COX10: variants seen among roughly 807,000 people sequenced by gnomAD.
COX10 encodes the protein protoheme IX farnesyltransferase, mitochondrial.
A neutral mutation model predicts 37.3 loss-of-function variants in COX10; 27 were observed. The observed-to-expected ratio is 0.72, with a 90% CI of 0.53 to 1.00. COX10 has a LOEUF of 1.00. COX10 is among the 50% of genes least tolerant of loss of function. COX10 has a pLI of 0.00. For missense variants in COX10, 475 were observed against 563.2 expected, an observed-to-expected ratio of 0.84 and a Z score of 1.59; for synonymous variants, 222 against 229.1, an observed-to-expected ratio of 0.97 and a Z score of 0.28.
intron 4 of COX10, among the ~76,000 whole-genome samples, chr17:14,128,374 C>A (rs961809913): frequency 3.3e-5 from 5 of 152,020 alleles, no homozygotes; most frequent in Non-Finnish European, 5.9e-5. Context: ...AGAAGCTCTC[C>A]CTGAAGCCAT....
chr17:14,205,207 C>T (rs548265766), intron 6 of COX10, among the ~76,000 whole-genome samples: 18 of 152,212 alleles, frequency 1.2e-4, no homozygotes, highest in African/African-American at 3.9e-4. Context: ...ACTCCTAACA[C>T]GTGTTAATCT....
chr17:14,169,945 A>G (rs1436168620), intron 5 of COX10, among the ~76,000 whole-genome samples: 2 of 152,114 alleles, frequency 1.3e-5, no homozygotes, highest in Non-Finnish European at 2.9e-5. Context: ...CTCTCAGGAG[A>G]CTGGATTAGT....
At chr17:14,090,914 C>T (rs953313857) in intron 3 of COX10, among the ~76,000 whole-genome samples, 24 of 152,112 alleles carry the variant, frequency 1.6e-4, no homozygotes, top group African/African-American at 5.8e-4. Flanking sequence ...TTGCCCAGCG[C>T]GGTGCCTTGC....
intron 4 of COX10, among the ~76,000 whole-genome samples, chr17:14,137,683 T>C (rs1474713941): frequency 6.6e-6 from 1 of 151,754 alleles, no homozygotes; most frequent in Admixed American, 6.6e-5. Context: ...GACTCATATA[T>C]AGGCTTTAAC....
At chr17:14,151,462 G>C (rs549391796) in intron 4 of COX10, among the ~76,000 whole-genome samples, 1 of 151,770 alleles carries the variant, frequency 6.6e-6, no homozygotes, top group South Asian at 2.1e-4. Context: ...TGATGTGCTA[G>C]AAACATAGAA....
chr17:14,142,068 A>G (rs1038898539), intron 4 of COX10, among the ~76,000 whole-genome samples: 1 of 152,210 alleles, frequency 6.6e-6, no homozygotes, highest in African/African-American at 2.4e-5. Context: ...TGTCAAGCCC[A>G]CCTGCACTGT....
intron 4 of COX10, among the ~76,000 whole-genome samples, chr17:14,146,200 T>C (rs1280461008): frequency 6.6e-6 from 1 of 152,122 alleles, no homozygotes; most frequent in East Asian, 1.9e-4. Flanking sequence ...GGAATCACAT[T>C]ACCTGACCAA....
chr17:14,120,200 A>G (rs963748552), intron 4 of COX10, among the ~76,000 whole-genome samples: 6 of 152,176 alleles, frequency 3.9e-5, no homozygotes, highest in Admixed American at 2.0e-4. Flanking sequence ...AGTTTTGGAC[A>G]TGTTGACTTT....
chr17:14,169,679 G>A (rs1183324278), intron 5 of COX10, among the ~76,000 whole-genome samples: 1 of 152,222 alleles, frequency 6.6e-6, no homozygotes, highest in East Asian at 1.9e-4. Flanking sequence ...TAATGAGGGA[G>A]TTAGATTTAG....
chr17:14,136,654 T>C (rs1238997555), intron 4 of COX10, among the ~76,000 whole-genome samples: 1 of 151,878 alleles, frequency 6.6e-6, no homozygotes, highest in Non-Finnish European at 1.5e-5. Flanking sequence ...TGGCAGGTTT[T>C]TTTTTAAATC....
At chr17:14,171,167 T>G (rs1233285707) in intron 5 of COX10, among the ~76,000 whole-genome samples, 4 of 152,146 alleles carry the variant, frequency 2.6e-5, no homozygotes, top group Non-Finnish European at 5.9e-5. Context: ...TTATTGAACC[T>G]TTCCCTCATA....
At chr17:14,133,164 G>A (rs928843419) in intron 4 of COX10, among the ~76,000 whole-genome samples, 16 of 151,536 alleles carry the variant, frequency 1.1e-4, no homozygotes, top group African/African-American at 3.6e-4. Flanking sequence ...AATAAGCCAA[G>A]TTTATTAAAA....
chr17:14,140,698 AC>A (rs1011319697), intron 4 of COX10, among the ~76,000 whole-genome samples: 71 of 152,196 alleles, frequency 4.7e-4, no homozygotes, highest in African/African-American at 1.7e-3. Flanking sequence ...TCTAATAGTA[AC>A]CTCATCGACC....
At chr17:14,143,242 C>T (rs1263218972) in intron 4 of COX10, among the ~76,000 whole-genome samples, 1 of 152,010 alleles carries the variant, frequency 6.6e-6, no homozygotes, top group Non-Finnish European at 1.5e-5. Flanking sequence ...ATGCAAATAC[C>T]ATTATTTACT....
chr17:14,073,310 A>G (rs888607061), intron 1 of COX10, among the ~76,000 whole-genome samples: 2 of 152,174 alleles, frequency 1.3e-5, no homozygotes, highest in Admixed American at 6.5e-5. Context: ...TTCAGAGTAG[A>G]TTGGACTTGA....
At chr17:14,090,281 T>A (rs1203058614) in intron 3 of COX10, among the ~76,000 whole-genome samples, 5 of 152,056 alleles carry the variant, frequency 3.3e-5, no homozygotes, top group African/African-American at 1.2e-4. Flanking sequence ...CAAAGCATTG[T>A]AGCATCTTAT....
At chr17:14,174,078 T>C (rs538719989) in intron 5 of COX10, among the ~76,000 whole-genome samples, 53 of 151,936 alleles carry the variant, frequency 3.5e-4, no homozygotes, top group Admixed American at 2.8e-3. Flanking sequence ...GAGTAGGAGA[T>C]AACATTTGTA....
At chr17:14,080,538 G>C (rs959726278) in intron 3 of COX10, among the ~76,000 whole-genome samples, 7 of 152,170 alleles carry the variant, frequency 4.6e-5, no homozygotes, top group African/African-American at 1.7e-4. Flanking sequence ...GACTTTCTCT[G>C]TAGAGTCCAC....
intron 4 of COX10, among the ~76,000 whole-genome samples, chr17:14,108,832 T>C (rs1915953405): frequency 6.6e-6 from 1 of 152,164 alleles, no homozygotes; most frequent in Non-Finnish European, 1.5e-5. Flanking sequence ...TTTTTCTCCA[T>C]TTTCCTTTTC....
Sources: allele counts gnomAD v4.1 joint callset (sites outside exome capture counted in the v4.1 genomes callset), GRCh38; gene constraint gnomAD v4.1.1; transcripts MANE v1.5; gene names NCBI Gene and HGNC (gene_info 2026-07-23, HGNC 2026-07-21).